Variants in LOC400499 observed in about 807,000 individuals in gnomAD.
At chr16:11,511,049 T>C in the LOC400499 span, among the ~76,000 whole-genome samples, 1 of 150,074 alleles carries the variant, frequency 6.7e-6, no homozygotes, top group African/African-American at 2.5e-5. Flanking sequence ...CAGGCTGGAG[T>C]GCAGTGACGC....
At chr16:11,397,419 A>C in the LOC400499 span, among the ~76,000 whole-genome samples, 2 of 152,106 alleles carry the variant, frequency 1.3e-5, no homozygotes, top group Admixed American at 1.3e-4. Context: ...GACTACAGGC[A>C]CGTGCCACCG....
At chr16:11,501,590 A>G in the LOC400499 span, among the ~76,000 whole-genome samples, 1 of 151,974 alleles carries the variant, frequency 6.6e-6, no homozygotes, top group Non-Finnish European at 1.5e-5. Flanking sequence ...ACTCCTGAGC[A>G]TAGCCGTAAG....
the LOC400499 span, among the ~76,000 whole-genome samples, chr16:11,454,505 T>G: frequency 1.3e-5 from 2 of 152,100 alleles, no homozygotes; most frequent in Non-Finnish European, 2.9e-5. Flanking sequence ...ACAGGGAGAA[T>G]GCCACATGAC....
the LOC400499 span, among the ~76,000 whole-genome samples, chr16:11,502,622 T>C: frequency 3.3e-5 from 5 of 151,824 alleles, no homozygotes; most frequent in African/African-American, 1.2e-4. Context: ...ATACTCTTTT[T>C]TTTTTTTTTT....
chr16:11,376,515 T>TTC, the LOC400499 span, among the ~76,000 whole-genome samples: 3 of 152,196 alleles, frequency 2.0e-5, no homozygotes, highest in Admixed American at 1.3e-4. Context: ...GTGTAAGAGT[T>TTC]TCTTTCTAGA....
At chr16:11,464,419 C>T in the LOC400499 span, among the ~76,000 whole-genome samples, 1 of 152,372 alleles carries the variant, frequency 6.6e-6, no homozygotes, top group South Asian at 2.1e-4. Flanking sequence ...GAACACTTTG[C>T]AGTTAAAGAG....
chr16:11,474,738 G>C, the LOC400499 span, among the ~76,000 whole-genome samples: 2 of 151,878 alleles, frequency 1.3e-5, no homozygotes, highest in African/African-American at 4.8e-5. Context: ...GCAGGGTGGT[G>C]AGTGCCTGTA....
the LOC400499 span, among the ~76,000 whole-genome samples, chr16:11,380,494 C>G: frequency 1.3e-5 from 2 of 151,828 alleles, no homozygotes; most frequent in African/African-American, 4.8e-5. Flanking sequence ...CCACTGCACT[C>G]CAGCCTGAAG....
the LOC400499 span, chr16:11,476,766 G>A: frequency 2.5e-6 from 1 of 399,342 alleles, no homozygotes; most frequent in African/African-American, 2.1e-5. Flanking sequence ...GCACCCACCT[G>A]AAGCTGAGCA....
At chr16:11,390,792 A>G in the LOC400499 span, among the ~76,000 whole-genome samples, 6 of 152,070 alleles carry the variant, frequency 3.9e-5, no homozygotes, top group Non-Finnish European at 8.8e-5. Context: ...CTTGCTTCCT[A>G]GGAGTCTGAC....
At chr16:11,449,147 C>T in the LOC400499 span, 1 of 1,363,448 alleles carries the variant, frequency 7.3e-7, no homozygotes, top group Non-Finnish European at 9.7e-7. Flanking sequence ...CCTTTGCACA[C>T]CCTATTTCCT....
the LOC400499 span, among the ~76,000 whole-genome samples, chr16:11,441,621 T>C: frequency 8.7e-6 from 1 of 114,596 alleles, no homozygotes; most frequent in South Asian, 3.4e-4. Flanking sequence ...TTGAGGATCT[T>C]GAGATGAGGA....
At chr16:11,468,848 A>C in the LOC400499 span, among the ~76,000 whole-genome samples, 49 of 152,284 alleles carry the variant, frequency 3.2e-4, no homozygotes, top group African/African-American at 1.1e-3. Context: ...GCTGGTCTCG[A>C]ACTCCTGATT....
chr16:11,412,447 C>G, the LOC400499 span, among the ~76,000 whole-genome samples: 13,692 of 152,288 alleles, frequency 0.09, 623 homozygotes, highest in Middle Eastern at 0.19. Context: ...ACCCCTTCAA[C>G]AAGTGGCTTA....
chr16:11,380,214 ATATGTGGCCTC>A, the LOC400499 span, among the ~76,000 whole-genome samples: 2 of 151,686 alleles, frequency 1.3e-5, no homozygotes, highest in African/African-American at 4.9e-5. Flanking sequence ...ACAGGTCTTT[ATATGTGGCCTC>A]AAACTTCCAC....
the LOC400499 span, among the ~76,000 whole-genome samples, chr16:11,446,139 G>C: frequency 6.6e-6 from 1 of 150,586 alleles, no homozygotes; most frequent in Non-Finnish European, 1.5e-5. Flanking sequence ...GAACTTTTTT[G>C]TGTGTGAGGT....
the LOC400499 span, chr16:11,443,378 A>C: frequency 2.4e-6 from 1 of 416,810 alleles, no homozygotes; most frequent in South Asian, 1.7e-5. Flanking sequence ...GGGTCTGTGC[A>C]TGAACCTGGG....
chr16:11,437,258 T>C, the LOC400499 span, among the ~76,000 whole-genome samples: 225 of 152,332 alleles, frequency 1.5e-3, 2 homozygotes, highest in African/African-American at 5.1e-3. Context: ...GTTGTATCAA[T>C]CTGTCAAAAT....
At chr16:11,455,484 C>T in the LOC400499 span, among the ~76,000 whole-genome samples, 1 of 152,028 alleles carries the variant, frequency 6.6e-6, no homozygotes, top group African/African-American at 2.4e-5. Context: ...CCTGTAATAC[C>T]AGCACTTTGG....
Sources: allele counts gnomAD v4.1 joint callset (sites outside exome capture counted in the v4.1 genomes callset), GRCh38; gene constraint gnomAD v4.1.1; transcripts MANE v1.5.